GNG12: variants seen among roughly 807,000 people sequenced by gnomAD.
GNG12 encodes guanine nucleotide-binding protein G(I)/G(S)/G(O) subunit gamma-12.
For synonymous variants in GNG12, 28 were observed against 29.7 expected (o/e 0.94, Z 0.19); for missense variants, 69 against 83.8 (o/e 0.82, Z 0.69).
chr1:67,707,556 G>A (rs1646256857), intron 3 of GNG12, 38 bp downstream of exon 3: 1 of 1,063,492 alleles, frequency 9.4e-7, no homozygotes, highest in Non-Finnish European at 1.5e-6. Flanking sequence ...AGGGGGAACT[G>A]AGCAGAAAGC....
At position 67,701,663 on chromosome 1, in the gene GNG12, A is replaced by G. The variant is rs183250851; in HGVS notation, c.*3788T>C. The G allele has an allele frequency of 3.3e-5, 5 of 152,794 alleles. No individual in the cohort carries two copies. The highest frequency in any genetic ancestry group is 2.9e-5 in the Non-Finnish European group (2 of 68,036). The allele number at this position is 152,794 out of a possible 1,614,324, so 9.5% of individuals were successfully genotyped here. A position where few individuals can be genotyped will look rare whatever the true frequency, so the allele number is the denominator to read the frequency against. On this transcript the variant is annotated 3_prime_UTR_variant, in exon 4 of 4. Transcript: ENST00000370982. ...AATAATGATCACAGTATTATGGTTAATAAGATGCTGGACAGATGCGTAGCC... is the reference window on the plus strand; with the variant it reads ...AATAATGATCACAGTATTATGGTTAGTAAGATGCTGGACAGATGCGTAGCC...
In GNG12 at chr1:67,811,872, CCAAGGAGA is replaced by C. The variant is rs142289156; in HGVS notation, c.-77+21464_-77+21471del. ...AAAACTATTGATGTAGAGGCTATAA[CCAAGGAGA>C]CAATCATGGGAGGGTTTTTGCTGTA... On this transcript the variant is annotated intron_variant, in intron 1 of 3. Transcript: ENST00000370982. Among the ~76,000 whole-genome samples the C allele has an allele frequency of 7.7e-3, 1,177 of 152,250 alleles. 18 individuals are homozygous for C. Among genetic ancestry groups the C allele is most frequent in the African/African-American group, 0.027 (1,106 of 41,534 alleles).
At chr1:67,766,340 T>C (rs1203220112) in intron 2 of GNG12, among the ~76,000 whole-genome samples, 1 of 152,160 alleles carries the variant, frequency 6.6e-6, no homozygotes, top group Non-Finnish European at 1.5e-5. Flanking sequence ...TTTCAAACCC[T>C]GATTTTCGCA....
chr1:67,786,985 G>A (rs559284636), intron 1 of GNG12, among the ~76,000 whole-genome samples: 3,078 of 118,986 alleles, frequency 0.026, 135 homozygotes, highest in African/African-American at 0.095. Flanking sequence ...GTGTGTGTGT[G>A]TATGTATATA....
rs527636064 is a variant in GNG12 at position 67,775,782 on chromosome 1, G to C, written c.-27+1676C>G. Among the ~76,000 whole-genome samples the C allele has an allele frequency of 3.9e-5, 6 of 152,344 alleles. No homozygotes were observed. In the East Asian group the frequency reaches 1.2e-3, roughly 29 times the overall value. On this transcript the variant is annotated intron_variant, in intron 2 of 3. Transcript: ENST00000370982. ...CTTTGAAGGAAGTCAGAGCAGGCAA[G>C]ATCACAGATGGCAGGAATAGAAAGG...
intron 1 of GNG12, among the ~76,000 whole-genome samples, chr1:67,801,757 T>A (rs762957983): frequency 6.6e-6 from 1 of 152,186 alleles, no homozygotes; most frequent in Non-Finnish European, 1.5e-5. Context: ...AGAAATTACC[T>A]TTCCTGTATG....
At chr1:67,821,479 C>G (rs1364203360) in intron 1 of GNG12, among the ~76,000 whole-genome samples, 1 of 152,148 alleles carries the variant, frequency 6.6e-6, no homozygotes, top group Non-Finnish European at 1.5e-5. Flanking sequence ...AGCAAAGAGC[C>G]GGAGGCCCTC....
intron 1 of GNG12, among the ~76,000 whole-genome samples, chr1:67,832,857 C>T (rs1228594654): frequency 1.3e-5 from 2 of 152,320 alleles, no homozygotes; most frequent in East Asian, 3.9e-4. Flanking sequence ...GTCCCTGTCG[C>T]CCCCACATGC....
chr1:67,799,281 T>C (rs1043312536), intron 1 of GNG12, among the ~76,000 whole-genome samples: 2 of 152,158 alleles, frequency 1.3e-5, no homozygotes, highest in East Asian at 1.9e-4. Context: ...TGAGTCTGCT[T>C]CCCTTAGCAG....
chr1:67,791,999 G>T (rs1021240156), intron 1 of GNG12, among the ~76,000 whole-genome samples: 1 of 152,076 alleles, frequency 6.6e-6, no homozygotes, highest in African/African-American at 2.4e-5. Context: ...TCTTCCTTCT[G>T]CTTAAACTTC....
chr1:67,798,953 A>C (rs942016871), intron 1 of GNG12, among the ~76,000 whole-genome samples: 2 of 147,674 alleles, frequency 1.4e-5, no homozygotes, highest in Admixed American at 6.8e-5. Context: ...GCTGTCTCAC[A>C]AAAAAAATAT....
rs140344894 is a variant in GNG12 at position 67,743,641 on chromosome 1, C to T, written c.-27+33817G>A. ...ATTTGAATTTGCTTCCTGACTGCCC[C>T]CTACCTCCCCTGAAAAAGCCCTATT... On this transcript the variant is annotated intron_variant, in intron 2 of 3. Transcript: ENST00000370982. Among the ~76,000 whole-genome samples the T allele has an allele frequency of 7.8e-3, 1,190 of 152,284 alleles. 11 individuals carry two copies. Among genetic ancestry groups the T allele is most frequent in the Admixed American group, 0.013 (197 of 15,292 alleles).
At chr1:67,831,405 G>A (rs575385856) in intron 1 of GNG12, among the ~76,000 whole-genome samples, 1 of 152,108 alleles carries the variant, frequency 6.6e-6, no homozygotes, top group South Asian at 2.1e-4. Flanking sequence ...TTCTGGACAG[G>A]AAATTTTTAT....
intron 2 of GNG12, among the ~76,000 whole-genome samples, chr1:67,762,214 A>G (rs1293654190): frequency 1.3e-5 from 2 of 152,198 alleles, no homozygotes; most frequent in Admixed American, 1.3e-4. Context: ...AGGAACTGCC[A>G]CATTTGCCCA....
At chr1:67,782,621 AG>A (rs1410717633) in intron 1 of GNG12, among the ~76,000 whole-genome samples, 1 of 152,198 alleles carries the variant, frequency 6.6e-6, no homozygotes, top group African/African-American at 2.4e-5. Flanking sequence ...CTTGCAGATA[AG>A]TTGGGGGAAA....
intron 1 of GNG12, among the ~76,000 whole-genome samples, chr1:67,818,413 G>GGTTT (rs1255832338): frequency 3.6e-5 from 3 of 83,882 alleles, no homozygotes; most frequent in African/African-American, 1.3e-4. Context: ...AAGACCAGGG[G>GGTTT]TTTTTTTTTT....
At chr1:67,724,573 A>T (rs961860327) in intron 2 of GNG12, among the ~76,000 whole-genome samples, 4 of 152,076 alleles carry the variant, frequency 2.6e-5, no homozygotes, top group Non-Finnish European at 4.4e-5. Flanking sequence ...TATTTTTAGT[A>T]GAGATGGGGT....
intron 1 of GNG12, among the ~76,000 whole-genome samples, chr1:67,807,528 C>G (rs1300623092): frequency 1.4e-5 from 2 of 148,046 alleles, no homozygotes; most frequent in East Asian, 4.0e-4. Context: ...TCAATGAAAC[C>G]AAAAGCTGTT....
Position 67,702,538 on chromosome 1 carries a change from T to C in GNG12, c.*2913A>G, listed in dbSNP as rs1174859885. On this transcript the variant is annotated 3_prime_UTR_variant, in exon 4 of 4. Coordinates refer to ENST00000370982, the MANE Select transcript of GNG12 (RefSeq NM_018841.6). ...GAGAAAAAGCAAGTCAGGTCTTTCCTTTAAAAGTTAAGTATGGCACTTTTC... is the reference window on the plus strand; with the variant it reads ...GAGAAAAAGCAAGTCAGGTCTTTCCCTTAAAAGTTAAGTATGGCACTTTTC... 1 of 152,186 alleles carries C rather than the reference T, an allele frequency of 6.6e-6. No homozygotes were observed. Among genetic ancestry groups the C allele is most frequent in the Admixed American group, 6.5e-5 (1 of 15,280 alleles). The allele number at this position is 152,186 out of a possible 1,614,324, so 9.4% of individuals were successfully genotyped here.
Sources: allele counts gnomAD v4.1 joint callset (sites outside exome capture counted in the v4.1 genomes callset), GRCh38; gene constraint gnomAD v4.1.1; transcripts MANE v1.5; gene names NCBI Gene and HGNC (gene_info 2026-07-23, HGNC 2026-07-21).